Variants in SGCD observed in about 807,000 individuals in gnomAD.
SGCD encodes the protein sarcoglycan delta.
SGCD carries 18 observed loss-of-function variants against 36.6 expected under a neutral mutation model. The ratio of observed to expected loss-of-function variants is 0.49; its 90% CI spans 0.34 to 0.73. SGCD has a LOEUF of 0.73. SGCD is among the 30% of genes least tolerant of loss of function. SGCD has a pLI of 0.01. For missense variants in SGCD, 387 were observed against 346.7 expected, an observed-to-expected ratio of 1.12 and a Z score of -0.92; for synonymous variants, 133 against 130.6, an observed-to-expected ratio of 1.02 and a Z score of -0.12.
intron 3 of SGCD, among the ~76,000 whole-genome samples, chr5:156,393,062 A>T (rs1771665957): frequency 6.6e-6 from 1 of 152,150 alleles, no homozygotes; most frequent in Non-Finnish European, 1.5e-5. Context: ...CTAGCCAGGG[A>T]TCATGCCCTC....
At chr5:156,070,649 A>G (rs1173603923) in intron 1 of SGCD, among the ~76,000 whole-genome samples, 1 of 152,138 alleles carries the variant, frequency 6.6e-6, no homozygotes, top group East Asian at 1.9e-4. Flanking sequence ...GCCTCATAAA[A>G]TGAGTTAGGG....
intron 1 of SGCD, among the ~76,000 whole-genome samples, chr5:156,092,952 G>A (rs1761282441): frequency 6.6e-6 from 1 of 152,234 alleles, no homozygotes; most frequent in Non-Finnish European, 1.5e-5. Flanking sequence ...AGTGGCATCT[G>A]TATTGACCAG....
the SGCD span, among the ~76,000 whole-genome samples, chr5:155,731,622 GT>G: frequency 2.6e-5 from 4 of 152,214 alleles, no homozygotes; most frequent in African/African-American, 4.8e-5. Flanking sequence ...TGCATTTGTA[GT>G]CATTGTTTTT....
intron 3 of SGCD, among the ~76,000 whole-genome samples, chr5:156,212,992 G>A (rs1010864833): frequency 6.6e-6 from 1 of 151,842 alleles, no homozygotes; most frequent in Non-Finnish European, 1.5e-5. Context: ...ATGGGACATA[G>A]AAAATGCCAA....
chr5:155,934,855 G>A (rs1757165636), intron 1 of SGCD, among the ~76,000 whole-genome samples: 1 of 152,178 alleles, frequency 6.6e-6, no homozygotes, highest in South Asian at 2.1e-4. Flanking sequence ...GTGAACTGTG[G>A]ACTAATGACA....
At chr5:156,377,632 A>G (rs1770738671) in intron 3 of SGCD, among the ~76,000 whole-genome samples, 1 of 152,204 alleles carries the variant, frequency 6.6e-6, no homozygotes, top group Non-Finnish European at 1.5e-5. Flanking sequence ...AAATAAAGCC[A>G]GCAGTGCACT....
chr5:155,862,651 AC>A, the SGCD span, among the ~76,000 whole-genome samples: 1 of 152,096 alleles, frequency 6.6e-6, no homozygotes, highest in Non-Finnish European at 1.5e-5. Context: ...TTATTAACTA[AC>A]TTTTGAATGC....
chr5:155,939,916 CT>C (rs1375666285), intron 1 of SGCD, among the ~76,000 whole-genome samples: 1 of 151,406 alleles, frequency 6.6e-6, no homozygotes, highest in Non-Finnish European at 1.5e-5. Context: ...TCAATGCAAC[CT>C]CCTCCTCCTG....
chr5:156,121,059 G>A (rs1762026958), intron 2 of SGCD, among the ~76,000 whole-genome samples: 1 of 152,074 alleles, frequency 6.6e-6, no homozygotes, highest in Non-Finnish European at 1.5e-5. Context: ...GGGGCAGCTG[G>A]GGTAGCTGCA....
At position 156,207,309 on chromosome 5, in the gene SGCD, G is replaced by A. The variant is rs372603309; in HGVS notation, c.-44+83290G>A. Among the ~76,000 whole-genome samples, 9 of 152,230 alleles carry A rather than the reference G, an allele frequency of 5.9e-5. No homozygotes were observed. In the East Asian group the frequency reaches 1.5e-3, roughly 26 times the overall value. On this transcript the variant is annotated intron_variant, in intron 3 of 9. Coordinates refer to the SGCD transcript ENST00000517913. ...AAAATTCAGTAAAATGGCATGGAGAGTTCATGTTTTTGGGGGCCCAGCACT... is the reference window on the plus strand; with the variant it reads ...AAAATTCAGTAAAATGGCATGGAGAATTCATGTTTTTGGGGGCCCAGCACT...
At chr5:156,569,740 A>C (rs1252674147) in intron 4 of SGCD, among the ~76,000 whole-genome samples, 1 of 152,186 alleles carries the variant, frequency 6.6e-6, no homozygotes, top group African/African-American at 2.4e-5. Flanking sequence ...GGTCAAGGCA[A>C]CCAGGTGGAT....
intron 3 of SGCD, among the ~76,000 whole-genome samples, chr5:156,397,680 T>C (rs11743557): frequency 0.027 from 4,087 of 152,254 alleles, 82 homozygotes; most frequent in Middle Eastern, 0.099. Context: ...CCGAGCAGCT[T>C]AGAGTCTATG....
At chr5:156,611,594 C>G (rs981435787) in intron 6 of SGCD, among the ~76,000 whole-genome samples, 1 of 152,124 alleles carries the variant, frequency 6.6e-6, no homozygotes, top group Non-Finnish European at 1.5e-5. Context: ...GGAGTTGAGT[C>G]TAATTGGGAA....
chr5:156,688,791 A>C (rs917168428), intron 7 of SGCD, among the ~76,000 whole-genome samples: 6 of 152,238 alleles, frequency 3.9e-5, no homozygotes, highest in African/African-American at 1.4e-4. Context: ...GGAAATCTGC[A>C]AAGAAGGGGA....
At chr5:156,588,598 T>C (rs949192962) in intron 4 of SGCD, among the ~76,000 whole-genome samples, 3 of 151,876 alleles carry the variant, frequency 2.0e-5, no homozygotes, top group Non-Finnish European at 4.4e-5. Context: ...GCCCTTTAGA[T>C]AAAGGGCAGA....
chr5:156,472,654 G>A (rs951294671), intron 3 of SGCD, among the ~76,000 whole-genome samples: 1 of 152,160 alleles, frequency 6.6e-6, no homozygotes, highest in Non-Finnish European at 1.5e-5. Flanking sequence ...CTGACCTCAG[G>A]TGATCTGCCT....
At chr5:155,857,363 A>G in the SGCD span, among the ~76,000 whole-genome samples, 4 of 152,234 alleles carry the variant, frequency 2.6e-5, no homozygotes, top group Admixed American at 6.5e-5. Context: ...TTACTTTGCT[A>G]TGGACAAAAT....
chr5:155,797,915 A>G, the SGCD span, among the ~76,000 whole-genome samples: 1 of 152,242 alleles, frequency 6.6e-6, no homozygotes, highest in Non-Finnish European at 1.5e-5. Context: ...CCATCATACC[A>G]GTGAGATTGT....
the SGCD span, among the ~76,000 whole-genome samples, chr5:155,752,659 T>G: frequency 2.0e-5 from 3 of 152,184 alleles, no homozygotes; most frequent in Non-Finnish European, 2.9e-5. Context: ...CAGTTATAAT[T>G]TATTTGTGAT....
Sources: gnomAD v4.1 joint callset for allele counts (sites outside exome capture counted in the v4.1 genomes callset) on GRCh38, gnomAD v4.1.1 for gene constraint, MANE v1.5 for transcripts, NCBI Gene and HGNC (gene_info 2026-07-23, HGNC 2026-07-21) for gene names.